NOL4L: variants seen among roughly 807,000 people sequenced by gnomAD.
NOL4L encodes nucleolar protein 4-like.
Under a neutral mutation model 64.5 loss-of-function variants are expected in NOL4L, and 7 were observed. That is an observed-to-expected ratio of 0.11 (90% CI 0.06 to 0.20). NOL4L has a LOEUF of 0.20. NOL4L is among the 10% of genes least tolerant of loss of function. The pLI is 1.00. For synonymous variants in NOL4L, 413 were observed against 401.0 expected (o/e 1.03, Z -0.36); for missense variants, 680 against 967.1 (o/e 0.70, Z 3.94).
intron 1 of NOL4L, among the ~76,000 whole-genome samples, chr20:32,538,881 C>T (rs1395821551): frequency 6.6e-6 from 1 of 152,214 alleles, no homozygotes. Flanking sequence ...GGGAGATGTT[C>T]GTACCTTCTG....
chr20:32,553,600 G>A (rs1287339543), intron 1 of NOL4L, among the ~76,000 whole-genome samples: 1 of 152,142 alleles, frequency 6.6e-6, no homozygotes, highest in African/African-American at 2.4e-5. Flanking sequence ...TACATTTAGG[G>A]TTCATGGTCT....
chr20:32,496,668 A>G (rs1257023869), intron 4 of NOL4L, among the ~76,000 whole-genome samples: 1 of 151,856 alleles, frequency 6.6e-6, no homozygotes, highest in Non-Finnish European at 1.5e-5. Context: ...CTTCTGCCTC[A>G]GCCTCCCGAG....
chr20:32,564,484 T>A (rs576037601), intron 1 of NOL4L, among the ~76,000 whole-genome samples: 2 of 152,208 alleles, frequency 1.3e-5, no homozygotes, highest in East Asian at 3.8e-4. Context: ...CCCATCTCGC[T>A]GCTGAGCTTG....
chr20:32,583,046 C>T (rs1327087966), intron 1 of NOL4L, among the ~76,000 whole-genome samples: 3 of 152,168 alleles, frequency 2.0e-5, no homozygotes, highest in Non-Finnish European at 4.4e-5. Context: ...GCCCCAGCTT[C>T]CCCCTCGGGG....
chr20:32,542,363 A>G (rs1377416611), intron 1 of NOL4L, among the ~76,000 whole-genome samples: 1 of 151,982 alleles, frequency 6.6e-6, no homozygotes, highest in Non-Finnish European at 1.5e-5. Context: ...TTTTAAAAAA[A>G]TTTTTTTTGA....
intron 1 of NOL4L, among the ~76,000 whole-genome samples, chr20:32,530,116 T>C (rs1189531613): frequency 6.6e-6 from 1 of 152,198 alleles, no homozygotes; most frequent in African/African-American, 2.4e-5. Context: ...ACAAATATTA[T>C]GATAGGTCAG....
intron 1 of NOL4L, among the ~76,000 whole-genome samples, chr20:32,543,096 G>A (rs528667165): frequency 4.6e-5 from 7 of 152,264 alleles, no homozygotes; most frequent in East Asian, 1.9e-4. Context: ...TAAAGCTCGC[G>A]GGAAGCCACC....
intron 4 of NOL4L, among the ~76,000 whole-genome samples, chr20:32,482,658 C>T (rs2015808413): frequency 6.6e-6 from 1 of 151,810 alleles, no homozygotes; most frequent in Admixed American, 6.6e-5. Flanking sequence ...CAGGGGCCGC[C>T]AACGCCCGCG....
At chr20:32,454,745 A>G (rs1356167853) in intron 6 of NOL4L, among the ~76,000 whole-genome samples, 4 of 152,162 alleles carry the variant, frequency 2.6e-5, no homozygotes, top group Non-Finnish European at 5.9e-5. Context: ...CCTGCCCTCA[A>G]GGAGGTTGGC....
intron 1 of NOL4L, among the ~76,000 whole-genome samples, chr20:32,567,596 G>C (rs988650864): frequency 6.6e-6 from 1 of 152,198 alleles, no homozygotes; most frequent in African/African-American, 2.4e-5. Flanking sequence ...GCTGGAAGTG[G>C]CAGGTGGCCA....
intron 4 of NOL4L, chr20:32,486,657 C>T (rs2145506617): frequency 2.2e-6 from 1 of 458,686 alleles, no homozygotes; most frequent in South Asian, 1.6e-5. Context: ...AAAAATTATC[C>T]CCACAAATGA....
At chr20:32,503,517 A>C (rs560470711) in intron 4 of NOL4L, among the ~76,000 whole-genome samples, 4 of 152,350 alleles carry the variant, frequency 2.6e-5, no homozygotes, top group Admixed American at 2.0e-4. Flanking sequence ...AAATCTAGGC[A>C]GCCAAAGCAG....
chr20:32,583,645 CG>C (rs1980657107), intron 1 of NOL4L, among the ~76,000 whole-genome samples: 1 of 148,664 alleles, frequency 6.7e-6, no homozygotes, highest in African/African-American at 2.5e-5. Flanking sequence ...CGGGAGCGGC[CG>C]CCCCCCCCCC....
chr20:32,534,435 C>A (rs1363271813), intron 1 of NOL4L, among the ~76,000 whole-genome samples: 2 of 152,236 alleles, frequency 1.3e-5, no homozygotes, highest in East Asian at 3.8e-4. Context: ...CCGCTCCATC[C>A]CATCCAGGCC....
chr20:32,540,915 A>G (rs2018642253), intron 1 of NOL4L, among the ~76,000 whole-genome samples: 1 of 151,630 alleles, frequency 6.6e-6, no homozygotes, highest in Non-Finnish European at 1.5e-5. Flanking sequence ...AGATGAGGAA[A>G]CCGAGGCTCA....
At chr20:32,513,078 C>T (rs777295173) in intron 3 of NOL4L, among the ~76,000 whole-genome samples, 6 of 152,160 alleles carry the variant, frequency 3.9e-5, no homozygotes, top group Non-Finnish European at 5.9e-5. Flanking sequence ...TCATTTTGCC[C>T]CAGCCTTTTA....
chr20:32,514,586 C>T (rs574386819), intron 3 of NOL4L, among the ~76,000 whole-genome samples: 40 of 151,992 alleles, frequency 2.6e-4, no homozygotes, highest in Non-Finnish European at 5.1e-4. Flanking sequence ...AGAGAGACTT[C>T]TGCTTGGTTG....
At chr20:32,451,153 C>T (rs2012862036) in intron 10 of NOL4L, among the ~76,000 whole-genome samples, 1 of 152,138 alleles carries the variant, frequency 6.6e-6, no homozygotes, top group Non-Finnish European at 1.5e-5. Context: ...ACCAGGGTTC[C>T]CCAGCTTACA....
chr20:32,484,010 C>T (rs886267990), intron 4 of NOL4L, among the ~76,000 whole-genome samples: 5 of 151,356 alleles, frequency 3.3e-5, no homozygotes, highest in African/African-American at 1.2e-4. Context: ...ACCCATCGCT[C>T]CCGGAGGCTG....
Sources: gnomAD v4.1 joint callset for allele counts (sites outside exome capture counted in the v4.1 genomes callset) on GRCh38, gnomAD v4.1.1 for gene constraint, MANE v1.5 for transcripts, NCBI Gene and HGNC (gene_info 2026-07-23, HGNC 2026-07-21) for gene names.